Variants in GATB observed in about 807,000 individuals in gnomAD.
GATB encodes glutamyl-tRNA amidotransferase subunit B, also known as glutamyl-tRNA(Gln) amidotransferase subunit B, mitochondrial.
Under a neutral mutation model 62.3 loss-of-function variants are expected in GATB, and 39 were observed. The ratio of observed to expected loss-of-function variants is 0.63; its 90% CI spans 0.48 to 0.82. GATB has a LOEUF of 0.82. GATB is among the 40% of genes least tolerant of loss of function. The pLI is 0.00. For missense variants in GATB, 670 were observed against 684.0 expected (o/e 0.98, Z 0.23); for synonymous variants, 276 against 258.9 (o/e 1.07, Z -0.63).
intron 2 of GATB, among the ~76,000 whole-genome samples, chr4:151,734,169 C>T (rs976542636): frequency 9.2e-5 from 14 of 152,242 alleles, no homozygotes; most frequent in Admixed American, 2.0e-4. Context: ...TGTCTGCTGA[C>T]GATATGATCT....
intron 2 of GATB, among the ~76,000 whole-genome samples, chr4:151,732,939 C>T (rs1739298482): frequency 6.6e-6 from 1 of 151,706 alleles, no homozygotes; most frequent in Non-Finnish European, 1.5e-5. Context: ...AATGACACAA[C>T]CTATCAAAAC....
chr4:151,733,769 T>C (rs1440670964), intron 2 of GATB, among the ~76,000 whole-genome samples: 1 of 152,182 alleles, frequency 6.6e-6, no homozygotes. Flanking sequence ...GTGGGTTTCA[T>C]ACCAGGGATG....
chr4:151,728,385 A>G (rs1483878112), intron 2 of GATB, among the ~76,000 whole-genome samples: 1 of 152,256 alleles, frequency 6.6e-6, no homozygotes, highest in Non-Finnish European at 1.5e-5. Context: ...GGAATCATGT[A>G]AAAACACAAA....
At chr4:151,733,726 A>G (rs923044798) in intron 2 of GATB, among the ~76,000 whole-genome samples, 6 of 152,242 alleles carry the variant, frequency 3.9e-5, no homozygotes, top group Admixed American at 3.3e-4. Flanking sequence ...TCCGAATCTA[A>G]CAAATATAAA....
At chr4:151,716,505 G>A (rs3792690) in intron 4 of GATB, among the ~76,000 whole-genome samples, 2,428 of 152,090 alleles carry the variant, frequency 0.016, 43 homozygotes, top group East Asian at 0.1. Context: ...CAAACTCTGC[G>A]TACAGTGATC....
chr4:151,755,560 T>C (rs567277802), intron 2 of GATB, among the ~76,000 whole-genome samples: 33 of 152,346 alleles, frequency 2.2e-4, no homozygotes, highest in African/African-American at 6.7e-4. Flanking sequence ...TTTGCCTAAT[T>C]AGCTGTTTTT....
At chr4:151,744,331 C>G (rs1376264939) in intron 2 of GATB, among the ~76,000 whole-genome samples, 1 of 152,160 alleles carries the variant, frequency 6.6e-6, no homozygotes, top group Non-Finnish European at 1.5e-5. Flanking sequence ...AAGGTACTGT[C>G]AAGTAGCCCA....
At position 151,701,613 on chromosome 4, in the gene GATB, G is replaced by C. The variant is rs951336188; in HGVS notation, c.1008-95C>G. 7 of 879,272 alleles carry C rather than the reference G, an allele frequency of 8.0e-6. No homozygotes were observed. In the African/African-American group the frequency reaches 8.7e-5, roughly 11 times the overall value. 54.5% of individuals were successfully genotyped at this position (879,272 alleles called of 1,614,324 possible). On this transcript the variant is annotated intron_variant, in intron 8 of 12. Transcript: ENST00000263985. The stretch of plus-strand genomic sequence containing the variant: ...AGTAATATGAATGTTTCTGTGTTTA[G>C]ATGCCATGTTACTTGCAAATATTTT...
intron 2 of GATB, among the ~76,000 whole-genome samples, chr4:151,739,792 G>C (rs1364137334): frequency 6.6e-6 from 1 of 152,214 alleles, no homozygotes; most frequent in Non-Finnish European, 1.5e-5. Flanking sequence ...TTTGTGACAA[G>C]TGACTTTGGG....
In GATB at chr4:151,686,636, CA is replaced by C. The variant is rs2126959665; in HGVS notation, c.1331+1993del. Among the ~76,000 whole-genome samples the C allele has an allele frequency of 1.8e-5, 2 of 108,520 alleles. 1 individual carries two copies. Among genetic ancestry groups the C allele is most frequent in the South Asian group, 7.2e-4 (2 of 2,794 alleles). The allele number at this position is 108,520 out of a possible 152,430, so 71.2% of individuals were successfully genotyped here. ...CTTGCCTCTCCCTTGGCTTCTGTGT[CA>C]CCAGTCCCCGCCCCGCCCCCCCCCC... On this transcript the variant is annotated intron_variant, in intron 10 of 12. Transcript: ENST00000263985.
At chr4:151,683,088 G>A (rs141018332) in intron 10 of GATB, among the ~76,000 whole-genome samples, 8 of 152,250 alleles carry the variant, frequency 5.3e-5, no homozygotes, top group South Asian at 2.1e-4. Context: ...CTGGTTTCCC[G>A]TGTCCTGTGG....
intron 10 of GATB, among the ~76,000 whole-genome samples, chr4:151,687,978 A>G (rs1247035473): frequency 2.0e-5 from 3 of 152,160 alleles, no homozygotes; most frequent in African/African-American, 7.2e-5. Context: ...CTTGTAGTCT[A>G]TGGCTGTCAA....
intron 5 of GATB, among the ~76,000 whole-genome samples, chr4:151,714,094 A>G (rs1560853716): frequency 6.6e-6 from 1 of 152,228 alleles, no homozygotes; most frequent in Non-Finnish European, 1.5e-5. Flanking sequence ...CAACTTACCA[A>G]ACTATTAATA....
intron 8 of GATB, 177 bp downstream of exon 8, chr4:151,703,674 T>C: frequency 1.6e-6 from 1 of 622,678 alleles, no homozygotes; most frequent in Non-Finnish European, 2.9e-6. Flanking sequence ...ATCAAGAAAC[T>C]AGTACTTCTC....
At chr4:151,697,999 T>C (rs1254568324) in intron 9 of GATB, among the ~76,000 whole-genome samples, 1 of 90,348 alleles carries the variant, frequency 1.1e-5, no homozygotes, top group Non-Finnish European at 2.0e-5. Flanking sequence ...ATATATGAAA[T>C]GAAGGCAACT....
At chr4:151,734,410 G>C (rs1402080552) in intron 2 of GATB, among the ~76,000 whole-genome samples, 3 of 150,568 alleles carry the variant, frequency 2.0e-5, no homozygotes, top group African/African-American at 7.3e-5. Flanking sequence ...ACCTCTACAA[G>C]GAAAACTACA....
intron 11 of GATB, chr4:151,676,699 C>T (rs1738014294): frequency 6.6e-6 from 1 of 152,210 alleles, no homozygotes; most frequent in Non-Finnish European, 1.5e-5. Context: ...GTGCTTTTGT[C>T]TACAGTTCCC....
chr4:151,741,093 G>A (rs1236444551), intron 2 of GATB, among the ~76,000 whole-genome samples: 1 of 152,166 alleles, frequency 6.6e-6, no homozygotes, highest in Non-Finnish European at 1.5e-5. Context: ...GGGGATGCCT[G>A]AGACCTCGGA....
At chr4:151,705,343 A>C in intron 6 of GATB, 74 bp from the exon 7 acceptor site, 2 of 908,862 alleles carry the variant, frequency 2.2e-6, no homozygotes, top group South Asian at 1.5e-5. Flanking sequence ...ATTAGAAACA[A>C]CCTTTCTCAA....
Sources: allele counts gnomAD v4.1 joint callset (sites outside exome capture counted in the v4.1 genomes callset), GRCh38; gene constraint gnomAD v4.1.1; transcripts MANE v1.5; gene names NCBI Gene and HGNC (gene_info 2026-07-23, HGNC 2026-07-21).